The following OXR1 variants were observed in gnomAD, a reference collection of about 807,000 sequenced individuals.
OXR1 encodes oxidation resistance protein 1.
A neutral mutation model predicts 104.6 loss-of-function variants in OXR1; 41 were observed. The ratio of observed to expected loss-of-function variants is 0.39; its 90% CI spans 0.31 to 0.51. The LOEUF (loss-of-function observed/expected upper bound fraction) is 0.51. Among genes scored for constraint, OXR1 ranks in the 20% least tolerant of loss-of-function variants. The probability of loss-of-function intolerance (pLI) is 0.77; values close to 1 mark genes in which losing one functional copy is unlikely to be tolerated. For missense variants in OXR1, 955 were observed against 1,031.9 expected (o/e 0.93, Z 1.02); for synonymous variants, 348 against 348.4 (o/e 1.00, Z 0.01).
At chr8:106,340,505 C>G (rs185802468) in intron 1 of OXR1, among the ~76,000 whole-genome samples, 1 of 152,290 alleles carries the variant, frequency 6.6e-6, no homozygotes, top group Non-Finnish European at 1.5e-5. Context: ...ATCACCACAT[C>G]TAAAATAGAT....
chr8:106,439,632 T>C (rs552852851), intron 2 of OXR1, among the ~76,000 whole-genome samples: 2 of 152,216 alleles, frequency 1.3e-5, no homozygotes, highest in South Asian at 4.1e-4. Flanking sequence ...CTTTTAAAAG[T>C]CACTGCCCAC....
intron 2 of OXR1, among the ~76,000 whole-genome samples, chr8:106,485,357 G>A (rs1810578614): frequency 6.6e-6 from 1 of 152,054 alleles, no homozygotes; most frequent in Non-Finnish European, 1.5e-5. Flanking sequence ...TTTATCAAGT[G>A]TAACAAATGT....
At chr8:106,518,560 A>G (rs1813024006) in intron 2 of OXR1, among the ~76,000 whole-genome samples, 1 of 152,158 alleles carries the variant, frequency 6.6e-6, no homozygotes, top group Admixed American at 6.6e-5. Context: ...TAATGATTTT[A>G]TTATTCTTTT....
intron 1 of OXR1, among the ~76,000 whole-genome samples, chr8:106,324,113 C>T (rs564954747): frequency 8.5e-5 from 13 of 152,268 alleles, no homozygotes; most frequent in African/African-American, 3.1e-4. Context: ...ATCAACCTAA[C>T]TGTCCATCAA....
At position 106,543,367 on chromosome 8, in the gene OXR1, A is replaced by G. The variant is rs1164419908; in HGVS notation, c.220+24228A>G. ...GGGTTAGAGGTTAATGATTCTGAAC[A>G]CTGCATTCACATCAAACAAAAGATA... On this transcript the variant is annotated intron_variant, in intron 3 of 16. Coordinates refer to ENST00000517566, the MANE Select transcript of OXR1 (RefSeq NM_001198533.2). Among the ~76,000 whole-genome samples, 3 of 152,250 alleles carry G rather than the reference A, an allele frequency of 2.0e-5. No homozygotes were observed. In the East Asian group the frequency reaches 5.8e-4, roughly 29 times the overall value.
At chr8:106,467,418 C>T (rs1171060562) in intron 2 of OXR1, among the ~76,000 whole-genome samples, 1 of 151,790 alleles carries the variant, frequency 6.6e-6, no homozygotes, top group Non-Finnish European at 1.5e-5. Flanking sequence ...TGCAAGTTAG[C>T]CTGTCACTGC....
intron 3 of OXR1, chr8:106,617,925 A>G (rs1821376947): frequency 1.4e-6 from 1 of 697,434 alleles, no homozygotes; most frequent in Non-Finnish European, 1.8e-6. Context: ...ATGTTCAGTG[A>G]GCCAAGAGCA....
intron 2 of OXR1, among the ~76,000 whole-genome samples, chr8:106,481,210 T>G: frequency 6.6e-6 from 1 of 151,958 alleles, no homozygotes; most frequent in Non-Finnish European, 1.5e-5. Context: ...TTGTCACACA[T>G]AAGACCCTTA....
intron 2 of OXR1, among the ~76,000 whole-genome samples, chr8:106,361,199 A>G (rs1350961813): frequency 6.6e-6 from 1 of 152,220 alleles, no homozygotes; most frequent in Non-Finnish European, 1.5e-5. Context: ...AATGAGTGAA[A>G]AAATGCAAAG....
intron 2 of OXR1, among the ~76,000 whole-genome samples, chr8:106,497,788 A>G (rs1025843335): frequency 9.1e-4 from 137 of 150,552 alleles, no homozygotes; most frequent in Non-Finnish European, 1.6e-3. Context: ...TGGTCACCAT[A>G]TGTGTGTGTG....
intron 3 of OXR1, among the ~76,000 whole-genome samples, chr8:106,571,506 T>C (rs571374271): frequency 2.4e-4 from 36 of 152,280 alleles, no homozygotes; most frequent in African/African-American, 8.2e-4. Flanking sequence ...ACATATGAAC[T>C]GGGTGGCGGC....
chr8:106,375,099 C>A (rs77536601), intron 2 of OXR1, among the ~76,000 whole-genome samples: 4 of 152,184 alleles, frequency 2.6e-5, no homozygotes, highest in African/African-American at 9.6e-5. Context: ...ATATTTTTCC[C>A]TGAGGTTTTT....
intron 3 of OXR1, among the ~76,000 whole-genome samples, 166 bp from the exon 4 acceptor site, chr8:106,679,044 A>G (rs1364739208): frequency 6.6e-6 from 1 of 152,030 alleles, no homozygotes; most frequent in African/African-American, 2.4e-5. Context: ...TAGGAAGTTC[A>G]GTTCCTTTTT....
intron 2 of OXR1, among the ~76,000 whole-genome samples, chr8:106,378,479 C>T (rs1013093915): frequency 6.6e-6 from 1 of 152,174 alleles, no homozygotes; most frequent in African/African-American, 2.4e-5. Flanking sequence ...TGGCATTAAT[C>T]TCATTCGCTG....
intron 2 of OXR1, among the ~76,000 whole-genome samples, chr8:106,441,425 T>C (rs1819777148): frequency 6.6e-6 from 1 of 152,198 alleles, no homozygotes; most frequent in African/African-American, 2.4e-5. Context: ...ATGTGAAATT[T>C]AAAATAGTTT....
At chr8:106,725,818 C>T (rs536885747) in intron 11 of OXR1, among the ~76,000 whole-genome samples, 1 of 152,132 alleles carries the variant, frequency 6.6e-6, no homozygotes, top group Non-Finnish European at 1.5e-5. Context: ...ACTATATGAA[C>T]AAATAACAAA....
intron 3 of OXR1, among the ~76,000 whole-genome samples, chr8:106,568,486 G>A (rs1197879630): frequency 1.3e-5 from 2 of 152,114 alleles, no homozygotes; most frequent in African/African-American, 4.8e-5. Context: ...AAATATAGAT[G>A]AGAATTATAG....
At chr8:106,325,985 A>G (rs1814453231) in intron 1 of OXR1, among the ~76,000 whole-genome samples, 1 of 152,226 alleles carries the variant, frequency 6.6e-6, no homozygotes, top group African/African-American at 2.4e-5. Flanking sequence ...TAAATAACAG[A>G]CATATGTATA....
intron 1 of OXR1, among the ~76,000 whole-genome samples, chr8:106,290,867 T>C (rs1292311432): frequency 6.6e-6 from 1 of 152,160 alleles, no homozygotes; most frequent in Non-Finnish European, 1.5e-5. Context: ...AGTTCAGCCA[T>C]AGTGGGAAGC....
Sources: gnomAD v4.1 joint callset for allele counts (sites outside exome capture counted in the v4.1 genomes callset) on GRCh38, gnomAD v4.1.1 for gene constraint, MANE v1.5 for transcripts, NCBI Gene and HGNC (gene_info 2026-07-23, HGNC 2026-07-21) for gene names.